Variants in CDK6 observed in about 807,000 individuals in gnomAD.
CDK6 encodes the protein cyclin dependent kinase 6.
Under a neutral mutation model 37.1 loss-of-function variants are expected in CDK6, and 6 were observed. That is an observed-to-expected ratio of 0.16 (90% CI 0.09 to 0.32). The LOEUF is 0.32. Ranked by LOEUF, CDK6 falls within the 10% of genes least tolerant of loss-of-function variation. The pLI, the probability that CDK6 is intolerant of heterozygous loss-of-function variation, is 1.00. For synonymous variants in CDK6, 160 were observed against 161.3 expected, an observed-to-expected ratio of 0.99 and a Z score of 0.06; for missense variants, 224 against 418.9, an observed-to-expected ratio of 0.53 and a Z score of 4.06.
At chr7:92,702,830 T>A (rs1000430727) in intron 4 of CDK6, among the ~76,000 whole-genome samples, 3 of 152,082 alleles carry the variant, frequency 2.0e-5, no homozygotes, top group Middle Eastern at 3.2e-3. Flanking sequence ...GGCATAACTA[T>A]GTTAAGGGGT....
chr7:92,689,061 A>T (rs1258776682), intron 4 of CDK6, among the ~76,000 whole-genome samples: 1 of 152,126 alleles, frequency 6.6e-6, no homozygotes, highest in African/African-American at 2.4e-5. Flanking sequence ...GTCAACAAAC[A>T]TTTGCAGAGT....
intron 4 of CDK6, among the ~76,000 whole-genome samples, chr7:92,674,072 G>A (rs569686904): frequency 1.3e-5 from 2 of 150,524 alleles, no homozygotes; most frequent in East Asian, 1.9e-4. Flanking sequence ...GAGCCACTGC[G>A]CCTCCCCCTT....
At chr7:92,742,422 G>A (rs558641143) in intron 3 of CDK6, among the ~76,000 whole-genome samples, 2 of 152,266 alleles carry the variant, frequency 1.3e-5, no homozygotes, top group Admixed American at 1.3e-4. Context: ...AGATTTTGGG[G>A]TCATCTCAGA....
chr7:92,720,849 A>G (rs1319933813), intron 4 of CDK6, among the ~76,000 whole-genome samples: 1 of 152,214 alleles, frequency 6.6e-6, no homozygotes, highest in Non-Finnish European at 1.5e-5. Context: ...AGTTTCAGCT[A>G]GTCACAACAG....
intron 3 of CDK6, among the ~76,000 whole-genome samples, chr7:92,762,768 T>G (rs1158459756): frequency 2.6e-5 from 4 of 152,066 alleles, no homozygotes; most frequent in Non-Finnish European, 4.4e-5. Flanking sequence ...AGACGAGGTT[T>G]CACCATACTG....
intron 5 of CDK6, among the ~76,000 whole-genome samples, chr7:92,628,343 T>C (rs1795977263): frequency 1.3e-5 from 2 of 148,374 alleles, no homozygotes; most frequent in Non-Finnish European, 3.0e-5. Flanking sequence ...ATATGATCTG[T>C]TCACCTCACT....
At chr7:92,806,300 A>G (rs556799872) in intron 2 of CDK6, among the ~76,000 whole-genome samples, 2 of 152,290 alleles carry the variant, frequency 1.3e-5, no homozygotes, top group East Asian at 3.9e-4. Context: ...AAAATTCAGT[A>G]AAGTGTTCTG....
At chr7:92,667,266 T>C (rs1036106458) in intron 5 of CDK6, among the ~76,000 whole-genome samples, 2 of 152,216 alleles carry the variant, frequency 1.3e-5, no homozygotes, top group Admixed American at 6.5e-5. Flanking sequence ...GGCATGATCC[T>C]AGCTCACTGT....
chr7:92,779,505 C>T (rs889670793), intron 2 of CDK6, among the ~76,000 whole-genome samples: 36 of 152,070 alleles, frequency 2.4e-4, no homozygotes, highest in African/African-American at 8.2e-4. Context: ...GGAAATAATC[C>T]TTTTTAATTT....
At chr7:92,681,865 A>G (rs2116624803) in intron 4 of CDK6, among the ~76,000 whole-genome samples, 1 of 152,198 alleles carries the variant, frequency 6.6e-6, no homozygotes, top group Middle Eastern at 3.4e-3. Flanking sequence ...TGTATTCAGA[A>G]CTCTGCAGTC....
chr7:92,725,016 C>CA, intron 4 of CDK6: 1 of 922,196 alleles, frequency 1.1e-6, no homozygotes, highest in Non-Finnish European at 1.3e-6. Flanking sequence ...AGCTGAATGG[C>CA]AAAAAGAAAC....
At chr7:92,799,819 C>G (rs754149493) in intron 2 of CDK6, among the ~76,000 whole-genome samples, 2 of 152,172 alleles carry the variant, frequency 1.3e-5, no homozygotes, top group Non-Finnish European at 2.9e-5. Context: ...ACAGGTTTTC[C>G]GGATTCCTAT....
At position 92,673,314 on chromosome 7, in the gene CDK6, T is replaced by C. The variant is rs79062610; in HGVS notation, c.538-1779A>G. Among the ~76,000 whole-genome samples the C allele has an allele frequency of 1.7e-3, 252 of 152,364 alleles. 1 individual carries two copies. The highest frequency in any genetic ancestry group is 5.7e-3 in the African/African-American group (239 of 41,582). ...CGTTTTAAGTCTTTAGATGATTATA[T>C]GGCAACATCAAATTGGAAAAAGATT... On this transcript the variant is annotated intron_variant, in intron 4 of 7. Coordinates refer to ENST00000424848, the MANE Select transcript of CDK6 (RefSeq NM_001145306.2).
intron 3 of CDK6, among the ~76,000 whole-genome samples, chr7:92,754,897 T>C (rs1262749209): frequency 3.3e-5 from 5 of 152,158 alleles, no homozygotes; most frequent in African/African-American, 4.8e-5. Context: ...CAGTTTGAGC[T>C]GAGGAGGAGT....
rs1443600954 is a variant in CDK6, at chr7:92,833,365, G to C, written c.-42C>G. On this transcript the variant is annotated 5_prime_UTR_variant, in exon 2 of 8. Transcript: ENST00000424848. This position sits in a 1 kb window ranked among gnomAD's most constrained non-coding sequence, Gnocchi z 6.1. The stretch of plus-strand genomic sequence containing the variant: ...CCGCCGCGGCGCCGCTGGGGCGGGC[G>C]GGGGGTGCGCTCAACTAGCTGGCGG... The C allele has an allele frequency of 2.1e-6, 3 of 1,432,874 alleles. No homozygotes were observed. The highest frequency in any genetic ancestry group is 2.8e-6 in the Non-Finnish European group (3 of 1,061,466). The allele number at this position is 1,432,874 out of a possible 1,614,324, so 88.8% of individuals were successfully genotyped here.
chr7:92,650,335 G>A (rs770313887), intron 5 of CDK6, among the ~76,000 whole-genome samples: 3 of 152,164 alleles, frequency 2.0e-5, no homozygotes, highest in Admixed American at 6.5e-5. Flanking sequence ...TCATTACTGT[G>A]TAGACATTCT....
intron 2 of CDK6, among the ~76,000 whole-genome samples, chr7:92,778,543 T>C (rs960497669): frequency 6.6e-6 from 1 of 152,178 alleles, no homozygotes; most frequent in Admixed American, 6.5e-5. Context: ...GCCTTGATAA[T>C]TCAAGATAAC....
At chr7:92,832,971 T>C (rs1801529954) in intron 2 of CDK6, 120 bp downstream of exon 2, 1 of 686,952 alleles carries the variant, frequency 1.5e-6, no homozygotes. Context: ...GACCAACAGG[T>C]CGCGCAGGAC....
chr7:92,825,556 AGTTTGTCAAGAT>A (rs1278196362), intron 2 of CDK6, among the ~76,000 whole-genome samples: 1 of 152,152 alleles, frequency 6.6e-6, no homozygotes, highest in African/African-American at 2.4e-5. Flanking sequence ...TAAACCTACC[AGTTTGTCAAGAT>A]GGAATCCAAA....
Sources: allele counts gnomAD v4.1 joint callset (sites outside exome capture counted in the v4.1 genomes callset), GRCh38; gene constraint gnomAD v4.1.1; non-coding constraint Gnocchi (gnomAD v3.1); transcripts MANE v1.5; gene names NCBI Gene and HGNC (gene_info 2026-07-23, HGNC 2026-07-21).